PRIMA1: variants seen among roughly 807,000 people sequenced by gnomAD.
PRIMA1 encodes the protein proline rich membrane anchor 1.
PRIMA1 carries 7 observed loss-of-function variants against 17.5 expected under a neutral mutation model. The observed-to-expected ratio is 0.40, with a 90% CI of 0.23 to 0.75. PRIMA1 has a LOEUF of 0.75. PRIMA1 is among the 30% of genes least tolerant of loss of function. The pLI, the probability that PRIMA1 is intolerant of heterozygous loss-of-function variation, is 0.37. For synonymous variants in PRIMA1, 97 were observed against 77.9 expected (o/e 1.25, Z -1.29); for missense variants, 200 against 201.8 (o/e 0.99, Z 0.05).
chr14:93,763,532 C>T (rs1398460480), intron 3 of PRIMA1, among the ~76,000 whole-genome samples: 2 of 152,218 alleles, frequency 1.3e-5, no homozygotes, highest in African/African-American at 4.8e-5. Context: ...CCGAAGCAGC[C>T]ATTTGTTTCA....
At chr14:93,722,831 G>A (rs542225477) in intron 4 of PRIMA1, among the ~76,000 whole-genome samples, 9 of 3,084 alleles carry the variant, frequency 2.9e-3, no homozygotes, top group South Asian at 0.011. Flanking sequence ...TAATGGCAGC[G>A]GTGGTAGCAA....
intron 3 of PRIMA1, among the ~76,000 whole-genome samples, chr14:93,773,466 A>G (rs1386438927): frequency 6.6e-6 from 1 of 152,252 alleles, no homozygotes; most frequent in Non-Finnish European, 1.5e-5. Flanking sequence ...CTACCGAGTC[A>G]GGAATTCTGG....
At position 93,744,638 on chromosome 14, in the gene PRIMA1, C is replaced by T. The variant is rs187419032; in HGVS notation, c.230-7268G>A. ...CCTTTGGGATGTGACTGGATGAACACGGTGCCCTTGTGCGCCTGCAATTCA... is the reference window on the plus strand; with the variant it reads ...CCTTTGGGATGTGACTGGATGAACATGGTGCCCTTGTGCGCCTGCAATTCA... On this transcript the variant is annotated intron_variant, in intron 3 of 4. Coordinates refer to ENST00000393140, the MANE Select transcript of PRIMA1 (RefSeq NM_178013.4). Among the ~76,000 whole-genome samples, 65 of 152,310 alleles carry T rather than the reference C, an allele frequency of 4.3e-4. 1 individual carries two copies. The highest frequency in any genetic ancestry group is 4.1e-3 in the Admixed American group (63 of 15,310).
chr14:93,747,386 C>T (rs965572956), intron 3 of PRIMA1, among the ~76,000 whole-genome samples: 3 of 152,058 alleles, frequency 2.0e-5, no homozygotes, highest in South Asian at 4.2e-4. Flanking sequence ...AGGGAGGAAG[C>T]CGGATTCGGG....
chr14:93,746,939 C>T (rs972739345), intron 3 of PRIMA1, among the ~76,000 whole-genome samples: 5 of 152,060 alleles, frequency 3.3e-5, no homozygotes, highest in African/African-American at 4.8e-5. Flanking sequence ...AGCTTTGGGA[C>T]GGGTGTGGAG....
chr14:93,735,764 G>A (rs1488778750), intron 4 of PRIMA1, among the ~76,000 whole-genome samples: 2 of 147,532 alleles, frequency 1.4e-5, no homozygotes, highest in East Asian at 2.0e-4. Context: ...TGCTCTCAGC[G>A]CACTGCAACC....
chr14:93,760,334 C>A (rs1452144530), intron 3 of PRIMA1, among the ~76,000 whole-genome samples: 1 of 152,170 alleles, frequency 6.6e-6, no homozygotes, highest in Non-Finnish European at 1.5e-5. Flanking sequence ...GCCCATCCAC[C>A]CTGAGACAGT....
At chr14:93,768,476 G>A (rs1023198574) in intron 3 of PRIMA1, among the ~76,000 whole-genome samples, 3 of 152,120 alleles carry the variant, frequency 2.0e-5, no homozygotes, top group African/African-American at 2.4e-5. Context: ...TTAAACTCCC[G>A]TCTAGGGTGG....
rs745490663 is a variant in PRIMA1 at position 93,779,259 on chromosome 14, C to T, written c.146G>A (p.Arg49Gln). The T allele has an allele frequency of 2.9e-5, 45 of 1,540,084 alleles. No homozygotes were observed. The highest frequency in any genetic ancestry group is 5.7e-5 in the African/African-American group (4 of 69,778). The change falls in exon 3 of 5, where the codon CGA becomes CAA. Residue 49 changes from arginine (R) to glutamine (Q), a missense_variant. Physicochemically the swap from Arg to Gln is conservative, Grantham distance 43 (BLOSUM62 1). Coordinates refer to ENST00000393140, the MANE Select transcript of PRIMA1 (RefSeq NM_178013.4). ...KSCSKVTDSC[R>Q]HVCQCRPPPP... ...AGGGGGCCGGCACTGGCAGACGTGT[C>T]GGCAGCTGTCAGTCACTTTGGAGCA...
intron 3 of PRIMA1, among the ~76,000 whole-genome samples, chr14:93,771,162 G>A (rs986982425): frequency 6.6e-6 from 1 of 151,926 alleles, no homozygotes; most frequent in African/African-American, 2.4e-5. Flanking sequence ...GCGCATGTAT[G>A]TGTGTGTGCA....
At chr14:93,781,989 C>T (rs575000849) in intron 2 of PRIMA1, among the ~76,000 whole-genome samples, 6 of 135,588 alleles carry the variant, frequency 4.4e-5, no homozygotes, top group Non-Finnish European at 7.8e-5. Context: ...AGAATAAGGC[C>T]GGGCGCAGTG....
chr14:93,746,883 G>T (rs1398176349), intron 3 of PRIMA1, among the ~76,000 whole-genome samples: 1 of 152,150 alleles, frequency 6.6e-6, no homozygotes, highest in African/African-American at 2.4e-5. Flanking sequence ...GCTTGTGGGA[G>T]GAGGAAGCTG....
rs141751465 is a variant in PRIMA1, at chr14:93,768,362, C to T, written c.229+10814G>A. ...TCCCCCAGTCTTTTGGGTCTAAGTTCCATCACACCTCACCTGTTTCTATTT... is the reference window on the plus strand; with the variant it reads ...TCCCCCAGTCTTTTGGGTCTAAGTTTCATCACACCTCACCTGTTTCTATTT... On this transcript the variant is annotated intron_variant, in intron 3 of 4. Transcript: ENST00000393140. 5.3e-3 allele frequency among the ~76,000 whole-genome samples: 804 copies of T among 152,296 alleles called. 11 individuals carry two copies. The highest frequency in any genetic ancestry group is 0.024 in the Middle Eastern group (7 of 294).
intron 3 of PRIMA1, among the ~76,000 whole-genome samples, chr14:93,778,133 T>C (rs1467004537): frequency 6.6e-6 from 1 of 152,218 alleles, no homozygotes; most frequent in Non-Finnish European, 1.5e-5. Flanking sequence ...TCAGAACCTG[T>C]AATTGTGACG....
intron 3 of PRIMA1, among the ~76,000 whole-genome samples, chr14:93,756,908 G>A (rs1345032678): frequency 1.3e-5 from 2 of 152,148 alleles, no homozygotes; most frequent in East Asian, 3.9e-4. Flanking sequence ...CTCTGGGCCA[G>A]TCTCTCTGCC....
intron 3 of PRIMA1, among the ~76,000 whole-genome samples, chr14:93,777,265 G>A (rs1351595074): frequency 6.6e-6 from 1 of 152,138 alleles, no homozygotes; most frequent in African/African-American, 2.4e-5. Flanking sequence ...ATACCTCCAA[G>A]CCTTTGTCCA....
intron 3 of PRIMA1, among the ~76,000 whole-genome samples, chr14:93,750,652 C>G (rs1200557595): frequency 3.3e-5 from 5 of 152,180 alleles, no homozygotes; most frequent in Admixed American, 2.6e-4. Flanking sequence ...GATACACTAT[C>G]TCGCCTTTTA....
At chr14:93,755,896 A>C (rs116471887) in intron 3 of PRIMA1, among the ~76,000 whole-genome samples, 2,952 of 152,008 alleles carry the variant, frequency 0.019, 107 homozygotes, top group African/African-American at 0.067. Flanking sequence ...AGGGCTCGCC[A>C]TGCACCCCAG....
chr14:93,757,776 C>A (rs2076300591), intron 3 of PRIMA1, among the ~76,000 whole-genome samples: 1 of 152,282 alleles, frequency 6.6e-6, no homozygotes, highest in South Asian at 2.1e-4. Context: ...ATTTTAAAAT[C>A]TCAAAAGCAG....
Sources: allele counts gnomAD v4.1 joint callset (sites outside exome capture counted in the v4.1 genomes callset), GRCh38; gene constraint gnomAD v4.1.1; transcripts MANE v1.5; gene names NCBI Gene and HGNC (gene_info 2026-07-23, HGNC 2026-07-21).